The following SPA17 variants were observed in gnomAD, a reference collection of about 807,000 sequenced individuals.
SPA17 encodes the protein sperm surface protein Sp17.
SPA17 carries 7 observed loss-of-function variants against 13.8 expected under a neutral mutation model. The ratio of observed to expected loss-of-function variants is 0.51; its 90% CI spans 0.29 to 0.95. The LOEUF (loss-of-function observed/expected upper bound fraction) is 0.95, where lower values mean the gene tolerates loss of function less well. SPA17 is among the 40% of genes least tolerant of loss of function. SPA17 has a pLI of 0.08. For synonymous variants in SPA17, 61 were observed against 59.0 expected (o/e 1.03, Z -0.16); for missense variants, 170 against 179.3 (o/e 0.95, Z 0.30).
intron 2 of SPA17, among the ~76,000 whole-genome samples, chr11:124,677,479 C>T (rs1298883695): frequency 6.6e-6 from 1 of 152,004 alleles, no homozygotes; most frequent in Non-Finnish European, 1.5e-5. Flanking sequence ...TACACAAAGA[C>T]AAATTCCAAA....
Position 124,673,928 on chromosome 11 carries a change from C to T in SPA17, c.-52C>T. ...CAACTAGAAAAACAACCGGAACCGG[C>T]GGCACCAGCTCGGAGAGAAAGGAGG... On this transcript the variant is annotated 5_prime_UTR_variant, in exon 1 of 5. Coordinates refer to ENST00000227135, the MANE Select transcript of SPA17 (RefSeq NM_017425.4). 1 of 586,758 alleles carries T rather than the reference C, an allele frequency of 1.7e-6. No individual in the cohort carries two copies. The highest frequency in any genetic ancestry group is 3.0e-6 in the Non-Finnish European group (1 of 331,376). The allele number at this position is 586,758 out of a possible 1,614,324, so 36.3% of individuals were successfully genotyped here.
At chr11:124,682,435 T>G (rs1320252853) in intron 3 of SPA17, among the ~76,000 whole-genome samples, 1 of 152,112 alleles carries the variant, frequency 6.6e-6, no homozygotes, top group Non-Finnish European at 1.5e-5. Context: ...AAATACTGAT[T>G]TTTAAATATG....
intron 2 of SPA17, among the ~76,000 whole-genome samples, chr11:124,677,178 T>TTCC (rs1202864232): frequency 6.6e-6 from 1 of 152,110 alleles, no homozygotes; most frequent in African/African-American, 2.4e-5. Context: ...CCACACCCAA[T>TTCC]TCCACCCATG....
intron 3 of SPA17, among the ~76,000 whole-genome samples, chr11:124,690,488 G>GA (rs1451076584): frequency 6.6e-6 from 1 of 152,180 alleles, no homozygotes; most frequent in Non-Finnish European, 1.5e-5. Context: ...GGAGAAAGGA[G>GA]AATAATGAGA....
rs753028777 is a variant in SPA17, at chr11:124,675,305, A to T, written c.41A>T (p.Gln14Leu). The change falls in exon 2 of 5, where the codon CAA becomes CTA. Residue 14 changes from glutamine (Q) to leucine (L), a missense_variant. Gln to Leu is a moderately radical substitution (Grantham distance 113). Coordinates refer to ENST00000227135, the MANE Select transcript of SPA17 (RefSeq NM_017425.4). ...PFSNTHYRIPQGFGNLLEGLT... is the reference protein window; with the variant it reads ...PFSNTHYRIPLGFGNLLEGLT... ...TCCAACACCCACTACCGAATTCCAC[A>T]AGGATTTGGGAATCTTCTTGAAGGG... is the stretch of plus-strand genomic sequence containing the variant. The T allele has an allele frequency of 2.7e-5, 44 of 1,614,058 alleles. No homozygotes were observed. In the Middle Eastern group the frequency reaches 4.9e-4, roughly 18 times the overall value.
Position 124,696,351 on chromosome 11 carries a change from A to T in SPA17, c.*1905A>T, listed in dbSNP as rs1439743603. 1 of 152,010 alleles carries T rather than the reference A, an allele frequency of 6.6e-6. No homozygotes were observed. Among genetic ancestry groups the T allele is most frequent in the Non-Finnish European group, 1.5e-5 (1 of 68,014 alleles). The allele number at this position is 152,010 out of a possible 1,614,324, so 9.4% of individuals were successfully genotyped here. On this transcript the variant is annotated 3_prime_UTR_variant, in exon 5 of 5. Coordinates refer to ENST00000227135, the MANE Select transcript of SPA17 (RefSeq NM_017425.4). ...CAAAGACTTAGATTCCCTGACCTGG[A>T]GAGATCAGAAGAGGAAAAAAGGGAT... is the stretch of plus-strand genomic sequence containing the variant.
At chr11:124,679,639 C>T (rs948251613) in intron 2 of SPA17, among the ~76,000 whole-genome samples, 5 of 152,138 alleles carry the variant, frequency 3.3e-5, no homozygotes, top group African/African-American at 1.2e-4. Flanking sequence ...CAGTGAGCAC[C>T]CAGCTTCCAG....
At chr11:124,686,518 C>T (rs1943580499) in intron 3 of SPA17, among the ~76,000 whole-genome samples, 2 of 152,150 alleles carry the variant, frequency 1.3e-5, no homozygotes, top group South Asian at 4.1e-4. Context: ...GGAACATTCT[C>T]AAAGATAGAC....
At position 124,675,258 on chromosome 11, in the gene SPA17, C is replaced by T. The variant is rs779576077; in HGVS notation, c.-7C>T. The T allele has an allele frequency of 6.2e-7, 1 of 1,610,010 alleles. No individual in the cohort carries two copies. The highest frequency in any genetic ancestry group is 1.7e-5 in the Admixed American group (1 of 59,126). ...TTTAGGTTCCATAGGCAGTTCTTAC[C>T]AAGAAGATGTCGATTCCATTCTCCA... is the stretch of plus-strand genomic sequence containing the variant. On this transcript the variant is annotated 5_prime_UTR_variant, in exon 2 of 5. Coordinates refer to ENST00000227135, the MANE Select transcript of SPA17 (RefSeq NM_017425.4).
intron 2 of SPA17, among the ~76,000 whole-genome samples, chr11:124,676,725 C>A (rs1336991616): frequency 6.6e-6 from 1 of 152,184 alleles, no homozygotes; most frequent in Non-Finnish European, 1.5e-5. Context: ...TGGCAATAGA[C>A]TTGGGGGCCT....
At chr11:124,685,452 G>T (rs1943568989) in intron 3 of SPA17, among the ~76,000 whole-genome samples, 1 of 152,256 alleles carries the variant, frequency 6.6e-6, no homozygotes, top group South Asian at 2.1e-4. Flanking sequence ...CAGGTGCAGA[G>T]CCCCCATGGA....
Position 124,675,423 on chromosome 11 carries a change from G to A in SPA17, c.154+5G>A. On this transcript the variant is annotated splice_donor_5th_base_variant and intron_variant, in intron 2 of 4. Transcript: ENST00000227135. Reference sequence around the variant, plus strand: ...GCCTTCTAGAGAAAAGAGAGAGTAAGCTTTCTAAAATTAGTCATTTTTTAA... The same window carrying A: ...GCCTTCTAGAGAAAAGAGAGAGTAAACTTTCTAAAATTAGTCATTTTTTAA... 1 of 1,600,914 alleles carries A rather than the reference G, an allele frequency of 6.2e-7. No individual in the cohort carries two copies. Among genetic ancestry groups the A allele is most frequent in the African/African-American group, 1.4e-5 (1 of 73,956 alleles).
chr11:124,681,374 ATT>A lies in SPA17; in HGVS notation c.155-11_155-10del. ...ATTCAAATAAATCTGAAGTTCTTAT[ATT>A]TTTATTATTTAGAAACCAACTTTGA... is the stretch of plus-strand genomic sequence containing the variant. On this transcript the variant is annotated splice_polypyrimidine_tract_variant and intron_variant, in intron 2 of 4. Coordinates refer to ENST00000227135, the MANE Select transcript of SPA17 (RefSeq NM_017425.4). 1 of 1,562,266 alleles carries A rather than the reference ATT, an allele frequency of 6.4e-7. No homozygotes were observed. The highest frequency in any genetic ancestry group is 8.7e-7 in the Non-Finnish European group (1 of 1,148,344).
rs1218865522 is a variant in SPA17, at chr11:124,695,715, C to G, written c.*1269C>G. The G allele has an allele frequency of 6.6e-6, 1 of 152,292 alleles. No homozygotes were observed. The highest frequency in any genetic ancestry group is 1.5e-5 in the Non-Finnish European group (1 of 68,118). 9.4% of individuals were successfully genotyped at this position (152,292 alleles called of 1,614,324 possible). On this transcript the variant is annotated 3_prime_UTR_variant, in exon 5 of 5. Coordinates refer to ENST00000227135, the MANE Select transcript of SPA17 (RefSeq NM_017425.4). Reference sequence around the variant, plus strand: ...TTCCTGCCTGCACCATAGTGGATGGCCCATGATTTAGTTCCAGGATTACAT... The same window carrying G: ...TTCCTGCCTGCACCATAGTGGATGGGCCATGATTTAGTTCCAGGATTACAT...
Position 124,693,419 on chromosome 11 carries a change from C to T in SPA17, c.313-884C>T, listed in dbSNP as rs144280738. On this transcript the variant is annotated intron_variant, in intron 4 of 4. Coordinates refer to ENST00000227135, the MANE Select transcript of SPA17 (RefSeq NM_017425.4). ...ACAGAAAAAGAGAACCAAGATATAT[C>T]GTTACATGGAAAAAGTAGCTGCAGA... is the stretch of plus-strand genomic sequence containing the variant. 2.6e-3 allele frequency among the ~76,000 whole-genome samples: 389 copies of T among 151,676 alleles called. 1 individual carries two copies. The highest frequency in any genetic ancestry group is 9.1e-3 in the African/African-American group (378 of 41,354).
intron 2 of SPA17, chr11:124,675,721 A>G (rs1460188888): frequency 4.1e-6 from 1 of 244,268 alleles, no homozygotes; most frequent in Non-Finnish European, 8.0e-6. Flanking sequence ...AGTGGGGGAA[A>G]AAAAGATCAT....
intron 3 of SPA17, among the ~76,000 whole-genome samples, chr11:124,689,126 T>C (rs559782920): frequency 9.2e-5 from 14 of 152,184 alleles, no homozygotes; most frequent in East Asian, 3.9e-4. Context: ...AAAAATGAAA[T>C]TGGACCCCTA....
rs371855529 is a variant in SPA17, at chr11:124,681,356, T to C, written c.155-33T>C. The C allele has an allele frequency of 2.0e-6, 3 of 1,503,300 alleles. No individual in the cohort carries two copies. The African/African-American group carries it at 4.2e-5, about 21-fold the overall frequency. 93.1% of individuals were successfully genotyped at this position (1,503,300 alleles called of 1,614,324 possible). A position where few individuals can be genotyped will look rare whatever the true frequency, so the allele number is the denominator to read the frequency against. Reference sequence around the variant, plus strand: ...CTACATTTACCTTAATGAATTCAAATAAATCTGAAGTTCTTATATTTTTAT... The same window carrying C: ...CTACATTTACCTTAATGAATTCAAACAAATCTGAAGTTCTTATATTTTTAT... On this transcript the variant is annotated intron_variant, in intron 2 of 4. Coordinates refer to ENST00000227135, the MANE Select transcript of SPA17 (RefSeq NM_017425.4).
intron 3 of SPA17, among the ~76,000 whole-genome samples, chr11:124,689,425 C>T (rs1943604160): frequency 6.6e-6 from 1 of 152,104 alleles, no homozygotes; most frequent in African/African-American, 2.4e-5. Flanking sequence ...CAACAAGGGA[C>T]TAATATCCAA....
Sources: allele counts gnomAD v4.1 joint callset (sites outside exome capture counted in the v4.1 genomes callset), GRCh38; gene constraint gnomAD v4.1.1; transcripts MANE v1.5; gene names NCBI Gene and HGNC (gene_info 2026-07-23, HGNC 2026-07-21).